CCNY: variants seen among roughly 807,000 people sequenced by gnomAD.
CCNY encodes the protein cyclin-Y.
CCNY carries 19 observed loss-of-function variants against 42.8 expected under a neutral mutation model. The observed-to-expected ratio is 0.44, with a 90% confidence interval of 0.31 to 0.65. CCNY has a LOEUF of 0.65. Among genes scored for constraint, CCNY ranks in the 30% least tolerant of loss-of-function variants. CCNY has a pLI of 0.07. For synonymous variants in CCNY, 165 were observed against 162.7 expected (o/e 1.01, Z -0.11); for missense variants, 370 against 437.3 (o/e 0.85, Z 1.37).
At chr10:35,452,850 C>T (rs1385904421) in intron 1 of CCNY, among the ~76,000 whole-genome samples, 4 of 150,966 alleles carry the variant, frequency 2.6e-5, no homozygotes, top group Non-Finnish European at 4.4e-5. Context: ...CCTTTTATGT[C>T]TCATTTCTTC....
intron 1 of CCNY, among the ~76,000 whole-genome samples, chr10:35,438,025 C>A (rs1291464750): frequency 6.6e-6 from 1 of 152,178 alleles, no homozygotes; most frequent in Non-Finnish European, 1.5e-5. Flanking sequence ...AATACTCTTA[C>A]CAGCTTCTGT....
At chr10:35,470,488 G>C (rs1336833734) in intron 1 of CCNY, among the ~76,000 whole-genome samples, 3 of 152,248 alleles carry the variant, frequency 2.0e-5, no homozygotes, top group Non-Finnish European at 4.4e-5. Context: ...TGGACACAGA[G>C]ACACACACTT....
At position 35,266,525 on chromosome 10, in the gene CCNY, G is replaced by T. The variant is rs568715259; in HGVS notation, c.-9+15899G>T. Among the ~76,000 whole-genome samples, 402 of 152,108 alleles carry T rather than the reference G, an allele frequency of 2.6e-3. 2 individuals carry two copies. Among genetic ancestry groups the T allele is most frequent in the Admixed American group, 3.8e-3 (58 of 15,250 alleles). ...GTGGACACAGGCACACATTTCTCCT[G>T]TTCTATTACTTCCCCATATAGAGGA... is the stretch of plus-strand genomic sequence containing the variant. On this transcript the variant is annotated intron_variant, in intron 3 of 11. Transcript: ENST00000374706.
intron 1 of CCNY, among the ~76,000 whole-genome samples, chr10:35,433,398 A>C (rs910369807): frequency 2.0e-5 from 3 of 151,996 alleles, no homozygotes; most frequent in African/African-American, 7.3e-5. Flanking sequence ...GTTTCTTTTC[A>C]TACCTTCAGT....
At chr10:35,247,806 G>A (rs1195413987) in intron 1 of CCNY, among the ~76,000 whole-genome samples, 1 of 146,142 alleles carries the variant, frequency 6.8e-6, no homozygotes, top group Non-Finnish European at 1.5e-5. Flanking sequence ...AACCCAGGAG[G>A]TGGAGCTTGC....
intron 3 of CCNY, among the ~76,000 whole-genome samples, chr10:35,302,679 A>G (rs1835552214): frequency 6.6e-6 from 1 of 152,200 alleles, no homozygotes; most frequent in Non-Finnish European, 1.5e-5. Context: ...CAGGCACCCA[A>G]GGGCATCTCA....
intron 3 of CCNY, among the ~76,000 whole-genome samples, chr10:35,282,021 T>G (rs113227470): frequency 0.042 from 6,433 of 152,008 alleles, 431 homozygotes; most frequent in African/African-American, 0.14. Context: ...CCTTCATAAA[T>G]TTCTATCTTT....
intron 7 of CCNY, among the ~76,000 whole-genome samples, chr10:35,547,412 A>G (rs1024954309): frequency 6.6e-6 from 1 of 152,102 alleles, no homozygotes; most frequent in East Asian, 1.9e-4. Flanking sequence ...TTTCCAGTGC[A>G]GTTACAATGC....
intron 3 of CCNY, among the ~76,000 whole-genome samples, chr10:35,331,478 G>C (rs1344070172): frequency 6.6e-6 from 1 of 152,174 alleles, no homozygotes; most frequent in East Asian, 1.9e-4. Flanking sequence ...CTTTCTCCCA[G>C]ATGCCAGAGA....
intron 5 of CCNY, among the ~76,000 whole-genome samples, chr10:35,526,507 C>T (rs1200839493): frequency 1.3e-5 from 2 of 152,066 alleles, no homozygotes; most frequent in African/African-American, 4.8e-5. Context: ...AAAACTCTAC[C>T]TTATACATTT....
chr10:35,256,780 T>C (rs1397231863), intron 3 of CCNY, among the ~76,000 whole-genome samples: 4 of 151,306 alleles, frequency 2.6e-5, no homozygotes, highest in Admixed American at 6.6e-5. Context: ...CCTTTATAGC[T>C]AGGTCCTCAC....
intron 1 of CCNY, among the ~76,000 whole-genome samples, chr10:35,436,086 G>C (rs1838526004): frequency 6.6e-6 from 1 of 152,140 alleles, no homozygotes; most frequent in African/African-American, 2.4e-5. Flanking sequence ...CTGGAGAGTT[G>C]GGCAGGGGTG....
At chr10:35,348,136 T>G (rs1021119579) in intron 1 of CCNY, among the ~76,000 whole-genome samples, 2 of 152,222 alleles carry the variant, frequency 1.3e-5, no homozygotes, top group Admixed American at 6.5e-5. Context: ...AAAGTGATGA[T>G]AAGCAGTTTA....
chr10:35,479,682 A>G (rs374378658), intron 1 of CCNY, among the ~76,000 whole-genome samples: 13 of 150,006 alleles, frequency 8.7e-5, no homozygotes, highest in African/African-American at 2.5e-4. Context: ...TGGGTGCAGC[A>G]CACCAGCATG....
intron 2 of CCNY, among the ~76,000 whole-genome samples, chr10:35,496,940 C>T (rs1025911324): frequency 9.9e-5 from 15 of 152,196 alleles, no homozygotes; most frequent in Admixed American, 3.9e-4. Context: ...CAGGAGAAGA[C>T]TTTTAATGCC....
At chr10:35,370,503 A>C (rs1324605512) in intron 1 of CCNY, among the ~76,000 whole-genome samples, 1 of 151,770 alleles carries the variant, frequency 6.6e-6, no homozygotes, top group Non-Finnish European at 1.5e-5. Flanking sequence ...TGTGCCTGGA[A>C]ACAGGCTAAG....
intron 1 of CCNY, among the ~76,000 whole-genome samples, chr10:35,482,669 T>G (rs1589150592): frequency 1.3e-5 from 2 of 151,832 alleles, no homozygotes; most frequent in East Asian, 1.9e-4. Flanking sequence ...CACAGCTGCT[T>G]GGCTTCAGCC....
chr10:35,332,497 T>C (rs1835957150), upstream of CCNY: 1 of 152,258 alleles, frequency 6.6e-6, no homozygotes, highest in South Asian at 2.1e-4. Context: ...TTGATACTAA[T>C]ATTGCTTATG....
At chr10:35,264,044 T>A (rs1266857489) in intron 3 of CCNY, among the ~76,000 whole-genome samples, 2 of 152,196 alleles carry the variant, frequency 1.3e-5, no homozygotes, top group Admixed American at 1.3e-4. Flanking sequence ...TATTCCATGG[T>A]GTCTATGTAC....
Sources: gnomAD v4.1 joint callset for allele counts (sites outside exome capture counted in the v4.1 genomes callset) on GRCh38, gnomAD v4.1.1 for gene constraint, MANE v1.5 for transcripts, NCBI Gene and HGNC (gene_info 2026-07-23, HGNC 2026-07-21) for gene names.